MARCHF1: variants seen among roughly 807,000 people sequenced by gnomAD.
MARCHF1 encodes membrane associated ring-CH-type finger 1, also known as E3 ubiquitin-protein ligase MARCHF1.
MARCHF1 carries 40 observed loss-of-function variants against 54.2 expected under a neutral mutation model. The observed-to-expected ratio is 0.74, with a 90% CI of 0.57 to 0.96. MARCHF1 has a LOEUF of 0.96. Ranked by LOEUF, MARCHF1 falls within the 40% of genes least tolerant of loss-of-function variation. The probability of loss-of-function intolerance (pLI) is 0.00; values close to 1 mark genes in which losing one functional copy is unlikely to be tolerated. For missense variants in MARCHF1, 586 were observed against 656.5 expected (o/e 0.89, Z 1.17); for synonymous variants, 236 against 236.3 (o/e 1.00, Z 0.01).
chr4:164,169,982 T>G (rs189583034), intron 1 of MARCHF1, among the ~76,000 whole-genome samples: 204 of 152,242 alleles, frequency 1.3e-3, no homozygotes, highest in East Asian at 7.3e-3. Context: ...TTCTGGCCAG[T>G]TTTTCTTACT....
chr4:163,545,533 C>A, intron 9 of MARCHF1, 63 bp downstream of exon 9: 1 of 1,519,162 alleles, frequency 6.6e-7, no homozygotes, highest in South Asian at 1.3e-5. Flanking sequence ...AAATAACTTC[C>A]CTATCCACCT....
chr4:163,922,574 T>C (rs1447915792), intron 3 of MARCHF1, among the ~76,000 whole-genome samples: 1 of 152,228 alleles, frequency 6.6e-6, no homozygotes, highest in Non-Finnish European at 1.5e-5. Flanking sequence ...CATACAGCTA[T>C]TGTAATTTAC....
chr4:163,892,789 A>G (rs74996122), intron 3 of MARCHF1, among the ~76,000 whole-genome samples: 5,383 of 152,204 alleles, frequency 0.035, 268 homozygotes, highest in East Asian at 0.18. Flanking sequence ...ATCTGACTTG[A>G]AAGCTAGTAG....
chr4:163,550,048 C>G (rs1341673705), intron 8 of MARCHF1, among the ~76,000 whole-genome samples: 1 of 152,062 alleles, frequency 6.6e-6, no homozygotes, highest in Non-Finnish European at 1.5e-5. Flanking sequence ...TTTGGGAGGC[C>G]AAGGCGGGCG....
At chr4:164,242,895 G>C (rs1242723562) in intron 1 of MARCHF1, among the ~76,000 whole-genome samples, 2 of 146,664 alleles carry the variant, frequency 1.4e-5, no homozygotes, top group Admixed American at 6.9e-5. Flanking sequence ...AAGATGAAAT[G>C]AATGAAATGA....
At chr4:163,886,122 T>G (rs1750525893) in intron 3 of MARCHF1, among the ~76,000 whole-genome samples, 4 of 149,496 alleles carry the variant, frequency 2.7e-5, no homozygotes, top group African/African-American at 9.8e-5. Context: ...TGGATATTTA[T>G]ATCTAGAGAG....
intron 1 of MARCHF1, among the ~76,000 whole-genome samples, chr4:164,222,927 T>C (rs1024135470): frequency 1.3e-5 from 2 of 152,042 alleles, no homozygotes; most frequent in Non-Finnish European, 2.9e-5. Context: ...TGACTCACAG[T>C]TCCACATGGC....
chr4:163,903,116 C>T (rs1029563907), intron 3 of MARCHF1, among the ~76,000 whole-genome samples: 1 of 152,050 alleles, frequency 6.6e-6, no homozygotes, highest in Non-Finnish European at 1.5e-5. Flanking sequence ...ACCGTCAATA[C>T]AGACAAATCA....
intron 8 of MARCHF1, among the ~76,000 whole-genome samples, chr4:163,578,098 T>C (rs80220041): frequency 0.019 from 2,845 of 152,044 alleles, 78 homozygotes; most frequent in African/African-American, 0.063. Context: ...ATATAGATCA[T>C]TGGAATATTG....
intron 1 of MARCHF1, among the ~76,000 whole-genome samples, chr4:164,298,041 C>G (rs1244630241): frequency 1.3e-5 from 2 of 151,850 alleles, no homozygotes; most frequent in African/African-American, 4.8e-5. Context: ...CAACACAATA[C>G]CAAATGTTCA....
At chr4:164,355,377 A>G (rs1291190235) in intron 1 of MARCHF1, among the ~76,000 whole-genome samples, 1 of 116,418 alleles carries the variant, frequency 8.6e-6, no homozygotes, top group Non-Finnish European at 1.8e-5. Context: ...CTACAAGGCT[A>G]CAGTAACCAA....
chr4:163,786,017 A>G (rs1203623285), intron 4 of MARCHF1, among the ~76,000 whole-genome samples: 1 of 152,008 alleles, frequency 6.6e-6, no homozygotes, highest in Non-Finnish European at 1.5e-5. Context: ...TTGAAGATGA[A>G]GGAAGAAATC....
intron 4 of MARCHF1, among the ~76,000 whole-genome samples, chr4:163,846,178 A>G (rs1026757275): frequency 2.6e-5 from 4 of 152,232 alleles, no homozygotes; most frequent in Admixed American, 2.6e-4. Flanking sequence ...GGAGGGAGAA[A>G]AATGAGGAAC....
At position 163,738,256 on chromosome 4, in the gene MARCHF1, C is replaced by T. The variant is rs75990729; in HGVS notation, c.112-37393G>A. 7.6e-3 allele frequency among the ~76,000 whole-genome samples: 1,153 copies of T among 152,246 alleles called. 8 individuals are homozygous for T. Among genetic ancestry groups the T allele is most frequent in the South Asian group, 0.022 (104 of 4,822 alleles). ...GATTTCATGCACTTGGAGTAAACATCGGTTTTTCTCAGTTTATGGTGGAAG... is the reference window on the plus strand; with the variant it reads ...GATTTCATGCACTTGGAGTAAACATTGGTTTTTCTCAGTTTATGGTGGAAG... On this transcript the variant is annotated intron_variant, in intron 4 of 9. Transcript: ENST00000514618.
At chr4:163,913,027 T>C (rs1382838434) in intron 3 of MARCHF1, among the ~76,000 whole-genome samples, 1 of 152,222 alleles carries the variant, frequency 6.6e-6, no homozygotes, top group Non-Finnish European at 1.5e-5. Context: ...TGCAGTCATA[T>C]ATATTTTCTT....
At position 164,160,864 on chromosome 4, in the gene MARCHF1, C is replaced by A. The variant is rs987154733; in HGVS notation, c.-322-49202G>T. Among the ~76,000 whole-genome samples the A allele has an allele frequency of 2.6e-5, 4 of 152,010 alleles. No individual in the cohort carries two copies. The East Asian group carries it at 7.7e-4, about 29-fold the overall frequency. On this transcript the variant is annotated intron_variant, in intron 1 of 9. Coordinates refer to ENST00000514618, the MANE Select transcript of MARCHF1 (RefSeq NM_001394959.1). ...ATAAGATAACAGAAGACAGACCACA[C>A]AATTAGAAGACATGAAATCTCAGAT...
chr4:163,789,252 C>T (rs565793828), intron 4 of MARCHF1, among the ~76,000 whole-genome samples: 1 of 151,868 alleles, frequency 6.6e-6, no homozygotes, highest in Admixed American at 6.6e-5. Context: ...ATACAAGCGA[C>T]TTAAAGATCA....
intron 7 of MARCHF1, among the ~76,000 whole-genome samples, chr4:163,591,437 TAC>T (rs1740591058): frequency 6.6e-6 from 1 of 152,126 alleles, no homozygotes; most frequent in Non-Finnish European, 1.5e-5. Flanking sequence ...ACCACACAGA[TAC>T]AGTCTCTGCT....
chr4:164,219,720 T>C (rs1007103113), intron 1 of MARCHF1, among the ~76,000 whole-genome samples: 1 of 151,944 alleles, frequency 6.6e-6, no homozygotes, highest in African/African-American at 2.4e-5. Flanking sequence ...TTTCTAAAGT[T>C]ATTAAAAGTC....
Sources: allele counts gnomAD v4.1 joint callset (sites outside exome capture counted in the v4.1 genomes callset), GRCh38; gene constraint gnomAD v4.1.1; transcripts MANE v1.5; gene names NCBI Gene and HGNC (gene_info 2026-07-23, HGNC 2026-07-21).